The following TSPAN11 variants were observed in gnomAD, a reference collection of about 807,000 sequenced individuals.
The protein encoded by TSPAN11 is tetraspanin 11, also known as tetraspanin-11.
In TSPAN11, 29 loss-of-function variants were observed where a neutral mutation model predicts 32.9. The observed-to-expected ratio is 0.88, with a 90% CI of 0.66 to 1.20. The LOEUF (loss-of-function observed/expected upper bound fraction) is 1.20, where lower values mean the gene tolerates loss of function less well. TSPAN11 is among the 50% of genes most tolerant of loss of function. TSPAN11 has a pLI of 0.00. For missense variants in TSPAN11, 283 were observed against 329.1 expected, an observed-to-expected ratio of 0.86 and a Z score of 1.08; for synonymous variants, 140 against 141.3, an observed-to-expected ratio of 0.99 and a Z score of 0.07.
chr12:30,955,311 G>A (rs1158044597), intron 2 of TSPAN11: 1 of 152,172 alleles, frequency 6.6e-6, no homozygotes, highest in African/African-American at 2.4e-5. Context: ...TGATGAAGAT[G>A]GTGCAATAAT....
chr12:30,977,417 G>A (rs2095950900), intron 3 of TSPAN11, among the ~76,000 whole-genome samples: 1 of 152,218 alleles, frequency 6.6e-6, no homozygotes, highest in Non-Finnish European at 1.5e-5. Flanking sequence ...AGTGACCACG[G>A]GTAGCTGCCC....
intron 3 of TSPAN11, among the ~76,000 whole-genome samples, chr12:30,977,415 C>A (rs35099): frequency 6.6e-6 from 1 of 152,088 alleles, no homozygotes; most frequent in Non-Finnish European, 1.5e-5. Flanking sequence ...CCAGTGACCA[C>A]GGGTAGCTGC....
chr12:30,977,287 C>A (rs1938993777), intron 3 of TSPAN11, among the ~76,000 whole-genome samples: 1 of 151,910 alleles, frequency 6.6e-6, no homozygotes, highest in Non-Finnish European at 1.5e-5. Flanking sequence ...TGGGCACCGC[C>A]CCCGCTCCGC....
At chr12:30,953,836 C>A in intron 1 of TSPAN11, 145 bp from the exon 2 acceptor site, 1 of 605,240 alleles carries the variant, frequency 1.7e-6, no homozygotes, top group Non-Finnish European at 2.9e-6. Flanking sequence ...ATCTTTGCTC[C>A]ATGCTGCACA....
intron 3 of TSPAN11, among the ~76,000 whole-genome samples, chr12:30,978,143 A>G (rs1432793468): frequency 2.6e-5 from 4 of 151,792 alleles, no homozygotes; most frequent in African/African-American, 9.7e-5. Context: ...AGGCGTCACC[A>G]CCTCCAGGAA....
the TSPAN11 span, among the ~76,000 whole-genome samples, chr12:31,002,644 G>GA: frequency 6.6e-6 from 1 of 152,132 alleles, no homozygotes; most frequent in South Asian, 2.1e-4. This position sits in a 1 kb window ranked among gnomAD's most constrained non-coding sequence, Gnocchi z 4.8. Context: ...GGGTCTGCGG[G>GA]ACAAAGAATG....
chr12:30,926,945 G>T (rs992474826), intron 1 of TSPAN11, 149 bp downstream of exon 1: 22 of 1,280,786 alleles, frequency 1.7e-5, no homozygotes, highest in Middle Eastern at 2.1e-4. Flanking sequence ...AGGGAAGCCG[G>T]CTGGGGATGA....
At chr12:30,982,863 C>A (rs1481854143) in intron 6 of TSPAN11, among the ~76,000 whole-genome samples, 173 bp downstream of exon 6, 1 of 152,236 alleles carries the variant, frequency 6.6e-6, no homozygotes, top group Non-Finnish European at 1.5e-5. Context: ...AGCCCTGGGA[C>A]AAGCAGCTCA....
intron 1 of TSPAN11, among the ~76,000 whole-genome samples, chr12:30,927,969 C>T (rs996184264): frequency 2.6e-5 from 4 of 152,190 alleles, no homozygotes; most frequent in African/African-American, 4.8e-5. Context: ...GGGTAAGGGG[C>T]ACTACTGGCC....
At chr12:30,935,525 A>C (rs1389089824) in intron 1 of TSPAN11, among the ~76,000 whole-genome samples, 13 of 151,926 alleles carry the variant, frequency 8.6e-5, no homozygotes, top group Admixed American at 8.5e-4. Flanking sequence ...CTGGGATTAC[A>C]GGCACCCACC....
chr12:30,944,642 T>C (rs1938231213), intron 1 of TSPAN11, among the ~76,000 whole-genome samples: 1 of 152,184 alleles, frequency 6.6e-6, no homozygotes, highest in Non-Finnish European at 1.5e-5. Context: ...CATCAACAGA[T>C]GAATGGATAA....
chr12:30,976,451 A>G (rs1231100749), intron 3 of TSPAN11, among the ~76,000 whole-genome samples: 1 of 152,070 alleles, frequency 6.6e-6, no homozygotes, highest in African/African-American at 2.4e-5. Context: ...GTCCACTGAC[A>G]TTTCCCCCAG....
At chr12:31,007,988 G>A in the TSPAN11 span, among the ~76,000 whole-genome samples, 2 of 152,174 alleles carry the variant, frequency 1.3e-5, no homozygotes, top group African/African-American at 4.8e-5. Context: ...AGGCATCTTG[G>A]TCAAAGCTAC....
intron 7 of TSPAN11, among the ~76,000 whole-genome samples, chr12:30,983,407 AG>A (rs1939136402): frequency 6.6e-6 from 1 of 151,976 alleles, no homozygotes; most frequent in South Asian, 2.1e-4. Flanking sequence ...GCGGAGTGTG[AG>A]TGTGGGCTCA....
rs930084643 is a variant in TSPAN11 at position 30,975,615 on chromosome 12, G to C, written c.277-2946G>C. Among the ~76,000 whole-genome samples the C allele has an allele frequency of 2.6e-5, 4 of 152,066 alleles. No individual in the cohort carries two copies. Among genetic ancestry groups the C allele is most frequent in the African/African-American group, 9.7e-5 (4 of 41,400 alleles). ...AATTTAGCCAGCCACTAAACCAATG[G>C]GTGAGGTTCAGTATCTCTACCTCCC... On this transcript the variant is annotated intron_variant, in intron 3 of 7. Coordinates refer to ENST00000546076, the MANE Select transcript of TSPAN11 (RefSeq NM_001370302.1). The surrounding 1 kb of genome is among the most constrained non-coding windows in gnomAD (Gnocchi z 4.5).
chr12:31,001,954 G>A, the TSPAN11 span, among the ~76,000 whole-genome samples: 5 of 152,178 alleles, frequency 3.3e-5, no homozygotes, highest in Non-Finnish European at 7.3e-5. Context: ...ACACAGGTGG[G>A]TCCACAGACC....
intron 1 of TSPAN11, among the ~76,000 whole-genome samples, chr12:30,950,903 A>G (rs1349081490): frequency 6.6e-6 from 1 of 152,252 alleles, no homozygotes; most frequent in Non-Finnish European, 1.5e-5. Flanking sequence ...AATGATTAAG[A>G]ATTTGATCTA....
At chr12:30,929,292 G>A (rs970797507) in intron 1 of TSPAN11, among the ~76,000 whole-genome samples, 2 of 152,188 alleles carry the variant, frequency 1.3e-5, no homozygotes, top group African/African-American at 4.8e-5. Flanking sequence ...GAGGATTATA[G>A]GCAGGATTCA....
At chr12:30,963,752 C>G in intron 2 of TSPAN11, 74 bp from the exon 3 acceptor site, 4 of 1,509,030 alleles carry the variant, frequency 2.7e-6, no homozygotes, top group East Asian at 4.5e-5. Flanking sequence ...TGCCTGGCAC[C>G]CTGTGGGCAC....
Sources: allele counts gnomAD v4.1 joint callset (sites outside exome capture counted in the v4.1 genomes callset), GRCh38; gene constraint gnomAD v4.1.1; non-coding constraint Gnocchi (gnomAD v3.1); transcripts MANE v1.5; gene names NCBI Gene and HGNC (gene_info 2026-07-23, HGNC 2026-07-21).